The following SUMF1 variants were observed in gnomAD, a reference collection of about 807,000 sequenced individuals.
SUMF1 encodes formylglycine-generating enzyme.
Under a neutral mutation model 47.6 loss-of-function variants are expected in SUMF1, and 48 were observed. The ratio of observed to expected loss-of-function variants is 1.01; its 90% CI spans 0.80 to 1.28. The LOEUF (loss-of-function observed/expected upper bound fraction) is 1.28, where lower values mean the gene tolerates loss of function less well. Ranked by LOEUF, SUMF1 falls within the 50% of genes most tolerant of loss-of-function variation. SUMF1 has a pLI of 0.00. For missense variants in SUMF1, 571 were observed against 485.4 expected, an observed-to-expected ratio of 1.18 and a Z score of -1.66; for synonymous variants, 230 against 192.1, an observed-to-expected ratio of 1.20 and a Z score of -1.63.
intron 8 of SUMF1, among the ~76,000 whole-genome samples, chr3:4,204,481 G>C (rs1695608142): frequency 6.6e-6 from 1 of 151,992 alleles, no homozygotes; most frequent in Non-Finnish European, 1.5e-5. Context: ...AATCTGCTTG[G>C]TGTTCTATAA....
intron 8 of SUMF1, among the ~76,000 whole-genome samples, chr3:4,281,684 TGGG>T (rs1372360096): frequency 2.6e-5 from 4 of 152,004 alleles, no homozygotes; most frequent in African/African-American, 9.7e-5. Flanking sequence ...AACAAACTTT[TGGG>T]GGAAAAAACA....
At chr3:4,359,681 C>A (rs1228296777), downstream of SUMF1, among the ~76,000 whole-genome samples, 7 of 152,142 alleles carry the variant, frequency 4.6e-5, no homozygotes, top group Admixed American at 3.9e-4. Flanking sequence ...CCTTGTAAAA[C>A]CATCAGAACT....
At chr3:4,113,158 G>A (rs1432571825) in intron 8 of SUMF1, among the ~76,000 whole-genome samples, 4 of 152,042 alleles carry the variant, frequency 2.6e-5, no homozygotes, top group African/African-American at 7.3e-5. Context: ...AAGGTACCTG[G>A]GGTATCCATC....
At chr3:4,313,958 C>T in intron 8 of SUMF1, 2 of 974,366 alleles carry the variant, frequency 2.1e-6, no homozygotes, top group Non-Finnish European at 2.9e-6. Context: ...AGAATACTCA[C>T]TTTCCTAGTT....
At chr3:4,204,492 CCTT>C (rs1268701707) in intron 8 of SUMF1, among the ~76,000 whole-genome samples, 3 of 151,966 alleles carry the variant, frequency 2.0e-5, no homozygotes, top group Non-Finnish European at 2.9e-5. Context: ...TGTTCTATAA[CCTT>C]CTTGTGCTTG....
chr3:4,177,609 C>T (rs1265793543), intron 8 of SUMF1, among the ~76,000 whole-genome samples: 1 of 152,028 alleles, frequency 6.6e-6, no homozygotes, highest in Admixed American at 6.5e-5. Flanking sequence ...AATCAACACC[C>T]TAATATCACA....
intron 9 of SUMF1, among the ~76,000 whole-genome samples, chr3:4,055,296 TTAAG>T (rs1574847787): frequency 6.6e-6 from 1 of 152,312 alleles, no homozygotes; most frequent in East Asian, 1.9e-4. Flanking sequence ...CTAGCCTTTA[TTAAG>T]TGTTTACTAT....
chr3:4,211,111 T>TATATATATATA (rs1461633054), intron 8 of SUMF1, among the ~76,000 whole-genome samples: 1 of 134,654 alleles, frequency 7.4e-6, no homozygotes. Context: ...CCCATATATA[T>TATATATATATA]ATATATATAT....
At chr3:4,184,143 AT>A (rs1364654141) in intron 8 of SUMF1, among the ~76,000 whole-genome samples, 1 of 148,116 alleles carries the variant, frequency 6.8e-6, no homozygotes, top group African/African-American at 2.5e-5. Flanking sequence ...TCGAAAAAAA[AT>A]TAAAAAAAAA....
downstream of SUMF1, among the ~76,000 whole-genome samples, chr3:4,359,570 C>G (rs1699696894): frequency 6.6e-6 from 1 of 152,164 alleles, no homozygotes; most frequent in Non-Finnish European, 1.5e-5. Context: ...TTAATTGACT[C>G]ACAGTTCCAC....
intron 8 of SUMF1, chr3:4,303,443 A>G (rs1344326911): frequency 1.3e-6 from 2 of 1,550,580 alleles, no homozygotes; most frequent in Non-Finnish European, 1.7e-6. Context: ...TGAGGCCCCG[A>G]CTGAGCAGCT....
intron 8 of SUMF1, among the ~76,000 whole-genome samples, chr3:4,128,499 C>G (rs904095818): frequency 6.6e-6 from 1 of 152,146 alleles, no homozygotes; most frequent in Non-Finnish European, 1.5e-5. Context: ...CCCTGCATTG[C>G]CTGGGGCAAC....
At chr3:4,435,532 AC>A (rs1702369712) in intron 3 of SUMF1, among the ~76,000 whole-genome samples, 1 of 152,206 alleles carries the variant, frequency 6.6e-6, no homozygotes, top group Non-Finnish European at 1.5e-5. Context: ...ACATAAATGG[AC>A]ACATACAAGA....
intron 8 of SUMF1, among the ~76,000 whole-genome samples, chr3:4,328,049 G>A (rs1301223805): frequency 6.6e-6 from 1 of 150,526 alleles, no homozygotes; most frequent in Non-Finnish European, 1.5e-5. Flanking sequence ...GGCCCTCCCT[G>A]TACAAAAAAA....
intron 6 of SUMF1, among the ~76,000 whole-genome samples, chr3:4,415,228 A>AAC (rs1484170671): frequency 1.3e-5 from 1 of 77,554 alleles, no homozygotes; most frequent in Non-Finnish European, 3.5e-5. Context: ...CTCCATCTCA[A>AAC]AAAAAAAAAA....
At chr3:4,339,059 T>C (rs1699214891) in intron 8 of SUMF1, among the ~76,000 whole-genome samples, 1 of 152,146 alleles carries the variant, frequency 6.6e-6, no homozygotes, top group Non-Finnish European at 1.5e-5. Context: ...GGGACCTTAA[T>C]ACCTTCCACA....
At chr3:4,346,591 C>A (rs1471005889) in intron 8 of SUMF1, among the ~76,000 whole-genome samples, 1 of 151,750 alleles carries the variant, frequency 6.6e-6, no homozygotes, top group African/African-American at 2.4e-5. Context: ...GATCTCAAAT[C>A]GATACCCTAA....
intron 9 of SUMF1, among the ~76,000 whole-genome samples, chr3:4,042,879 G>A (rs1464261762): frequency 6.6e-6 from 1 of 152,026 alleles, no homozygotes; most frequent in Non-Finnish European, 1.5e-5. Flanking sequence ...GGCTCCCAAG[G>A]CAAGTCCAGT....
In SUMF1 at chr3:4,254,091, T is replaced by C. The variant is rs920317425; in HGVS notation, c.1014+122239A>G. ...GGAAAACTAACAAACAGAAAGGACA[T>C]CCACACCGAAAACCCATCTGTACAT... On this transcript the variant is annotated intron_variant and NMD_transcript_variant, in intron 8 of 12. Coordinates refer to the SUMF1 transcript ENST00000448413. Among the ~76,000 whole-genome samples, 3 of 151,496 alleles carry C rather than the reference T, an allele frequency of 2.0e-5. 1 individual carries two copies. Among genetic ancestry groups the C allele is most frequent in the South Asian group, 4.2e-4 (2 of 4,782 alleles).
Sources: allele counts gnomAD v4.1 joint callset (sites outside exome capture counted in the v4.1 genomes callset), GRCh38; gene constraint gnomAD v4.1.1; transcripts MANE v1.5; gene names NCBI Gene and HGNC (gene_info 2026-07-23, HGNC 2026-07-21).